The following TMEM17 variants were observed in gnomAD, a reference collection of about 807,000 sequenced individuals.
The protein encoded by TMEM17 is transmembrane protein 17.
Under a neutral mutation model 19.1 loss-of-function variants are expected in TMEM17, and 15 were observed. That is an observed-to-expected ratio of 0.78 (90% CI 0.52 to 1.21). The LOEUF is 1.21. Ranked by LOEUF, TMEM17 falls within the 50% of genes most tolerant of loss-of-function variation. The pLI is 0.00. For synonymous variants in TMEM17, 103 were observed against 86.9 expected, an observed-to-expected ratio of 1.19 and a Z score of -1.03; for missense variants, 245 against 242.3, an observed-to-expected ratio of 1.01 and a Z score of -0.07.
chr2:62,501,053 A>G lies in TMEM17; in HGVS notation c.*156T>C. The G allele has an allele frequency of 1.3e-6, 1 of 791,264 alleles. No homozygotes were observed. The highest frequency in any genetic ancestry group is 2.0e-6 in the Non-Finnish European group (1 of 508,534). The allele number at this position is 791,264 out of a possible 1,614,324, so 49.0% of individuals were successfully genotyped here. On this transcript the variant is annotated 3_prime_UTR_variant, in exon 4 of 4. Coordinates refer to ENST00000335390, the MANE Select transcript of TMEM17 (RefSeq NM_198276.3). ...GTTAATATACTGTTTCATATACTGT[A>G]CAAAGTTTCATCATTGCCCCCAACC...
At chr2:62,480,085 T>A in the TMEM17 span, among the ~76,000 whole-genome samples, 1 of 152,204 alleles carries the variant, frequency 6.6e-6, no homozygotes, top group South Asian at 2.1e-4. Flanking sequence ...ATTTTTTGTC[T>A]TTTTGATAAT....
chr2:62,494,441 T>C, the TMEM17 span, among the ~76,000 whole-genome samples: 1 of 152,178 alleles, frequency 6.6e-6, no homozygotes, highest in Non-Finnish European at 1.5e-5. Flanking sequence ...GTGGTCATTT[T>C]AGTATTTCTA....
chr2:62,481,763 A>G, the TMEM17 span, among the ~76,000 whole-genome samples: 1 of 149,042 alleles, frequency 6.7e-6, no homozygotes, highest in African/African-American at 2.5e-5. Context: ...ACCTTCTACA[A>G]TTATGGGAGC....
the TMEM17 span, chr2:62,463,880 A>G: frequency 6.6e-6 from 1 of 152,266 alleles, no homozygotes; most frequent in Non-Finnish European, 1.5e-5. Flanking sequence ...CATCAGGACT[A>G]TGGCTGGACG....
the TMEM17 span, among the ~76,000 whole-genome samples, chr2:62,461,989 T>C: frequency 1.3e-5 from 2 of 152,248 alleles, no homozygotes; most frequent in Admixed American, 1.3e-4. Context: ...GCCAGTGGGC[T>C]GGCATTACTG....
At chr2:62,480,318 TCTC>T in the TMEM17 span, among the ~76,000 whole-genome samples, 3 of 152,166 alleles carry the variant, frequency 2.0e-5, no homozygotes, top group African/African-American at 4.8e-5. Context: ...GGATATTACT[TCTC>T]CTCCATTGTG....
the TMEM17 span, among the ~76,000 whole-genome samples, chr2:62,471,500 C>T: frequency 1.3e-5 from 2 of 152,202 alleles, no homozygotes; most frequent in Non-Finnish European, 2.9e-5. Flanking sequence ...GTTCAAAGAA[C>T]GGTAGCACTT....
chr2:62,493,716 G>A, the TMEM17 span, among the ~76,000 whole-genome samples: 2 of 152,120 alleles, frequency 1.3e-5, no homozygotes, highest in African/African-American at 4.8e-5. Context: ...CTCCCTCTCA[G>A]CTTTCTATCA....
At chr2:62,477,892 T>C in the TMEM17 span, among the ~76,000 whole-genome samples, 4 of 152,206 alleles carry the variant, frequency 2.6e-5, no homozygotes, top group Non-Finnish European at 4.4e-5. Flanking sequence ...ACCTGCAGAC[T>C]TTAAGGCACT....
chr2:62,486,962 G>A, the TMEM17 span, among the ~76,000 whole-genome samples: 1 of 151,952 alleles, frequency 6.6e-6, no homozygotes, highest in Non-Finnish European at 1.5e-5. Flanking sequence ...TGGGGTCGGG[G>A]AGCTGCTCAG....
chr2:62,497,864 T>TA (rs559576398), downstream of TMEM17, among the ~76,000 whole-genome samples: 92 of 152,346 alleles, frequency 6.0e-4, no homozygotes, highest in Middle Eastern at 3.4e-3. Flanking sequence ...AAGGGCCTGT[T>TA]ACCTGTCAGG....
chr2:62,495,962 C>T (rs1391111081), downstream of TMEM17, among the ~76,000 whole-genome samples: 6 of 152,208 alleles, frequency 3.9e-5, no homozygotes, highest in African/African-American at 1.4e-4. Flanking sequence ...TATTGTGTCA[C>T]ATCTCACTGT....
downstream of TMEM17, among the ~76,000 whole-genome samples, chr2:62,497,851 G>A (rs1679812516): frequency 6.6e-6 from 1 of 152,234 alleles, no homozygotes; most frequent in African/African-American, 2.4e-5. Flanking sequence ...TGCGCTGGAA[G>A]CCAAGGGCCT....
the TMEM17 span, among the ~76,000 whole-genome samples, chr2:62,468,763 C>T: frequency 1.1e-4 from 17 of 152,322 alleles, no homozygotes; most frequent in African/African-American, 4.1e-4. Context: ...CCAGCAAGGC[C>T]GATTCAGGGG....
the TMEM17 span, among the ~76,000 whole-genome samples, chr2:62,464,353 A>C: frequency 1.3e-5 from 2 of 152,250 alleles, no homozygotes; most frequent in South Asian, 2.1e-4. Flanking sequence ...AGCAGCCGGC[A>C]GTTCCAGCAC....
chr2:62,470,902 G>A, the TMEM17 span, among the ~76,000 whole-genome samples: 1 of 152,204 alleles, frequency 6.6e-6, no homozygotes, highest in African/African-American at 2.4e-5. Context: ...ACTTGAGCCT[G>A]TCTTGAGAAC....
chr2:62,495,696 G>A (rs932022689), downstream of TMEM17, among the ~76,000 whole-genome samples: 1 of 152,088 alleles, frequency 6.6e-6, no homozygotes, highest in African/African-American at 2.4e-5. Context: ...TGCCTACTTT[G>A]CTATGCAAAA....
At chr2:62,464,842 A>G in the TMEM17 span, among the ~76,000 whole-genome samples, 1 of 152,090 alleles carries the variant, frequency 6.6e-6, no homozygotes, top group South Asian at 2.1e-4. Context: ...GTGCTGAGTC[A>G]GTTCCTGAGT....
At chr2:62,479,327 T>C in the TMEM17 span, among the ~76,000 whole-genome samples, 1 of 152,202 alleles carries the variant, frequency 6.6e-6, no homozygotes, top group Admixed American at 6.5e-5. Context: ...GGAGAGTGTT[T>C]AACTTTCTGT....
Sources: allele counts gnomAD v4.1 joint callset (sites outside exome capture counted in the v4.1 genomes callset), GRCh38; gene constraint gnomAD v4.1.1; transcripts MANE v1.5; gene names NCBI Gene and HGNC (gene_info 2026-07-23, HGNC 2026-07-21).